Variants in TMEM168 observed in about 807,000 individuals in gnomAD.
TMEM168 encodes transmembrane protein 168.
Under a neutral mutation model 53.2 loss-of-function variants are expected in TMEM168, and 40 were observed. The ratio of observed to expected loss-of-function variants is 0.75; its 90% CI spans 0.58 to 0.98. The LOEUF is 0.98. Ranked by LOEUF, TMEM168 falls within the 50% of genes least tolerant of loss-of-function variation. The probability of loss-of-function intolerance (pLI) is 0.00; values close to 1 mark genes in which losing one functional copy is unlikely to be tolerated. For synonymous variants in TMEM168, 282 were observed against 293.0 expected, an observed-to-expected ratio of 0.96 and a Z score of 0.38; for missense variants, 771 against 828.8, an observed-to-expected ratio of 0.93 and a Z score of 0.86.
At chr7:112,767,782 T>C in intron 4 of TMEM168, 38 bp from the exon 5 acceptor site, 1 of 1,535,164 alleles carries the variant, frequency 6.5e-7, no homozygotes, top group Non-Finnish European at 8.7e-7. Flanking sequence ...CAATAATTTC[T>C]GCAGCCTCTC....
chr7:112,768,769 C>A (rs936248492), intron 4 of TMEM168, among the ~76,000 whole-genome samples: 13 of 151,902 alleles, frequency 8.6e-5, no homozygotes, highest in African/African-American at 3.1e-4. Flanking sequence ...TCCAATTCTA[C>A]GAATCTATCT....
rs543482478 is a variant in TMEM168 at position 112,775,836 on chromosome 7, T to C, written c.1129-518A>G. Among the ~76,000 whole-genome samples the C allele has an allele frequency of 2.0e-5, 3 of 152,246 alleles. No homozygotes were observed. In the East Asian group the frequency reaches 5.8e-4, roughly 29 times the overall value. On this transcript the variant is annotated intron_variant, in intron 2 of 4. Transcript: ENST00000312814. ...GCCATAAAAACTAATTCCGTTTATA[T>C]GGTATAGTTTACCTTATAAAGCACT...
chr7:112,781,678 C>T (rs932983317), intron 2 of TMEM168, among the ~76,000 whole-genome samples: 1 of 151,368 alleles, frequency 6.6e-6, no homozygotes, highest in Non-Finnish European at 1.5e-5. Context: ...ACAAATGGTG[C>T]TGGGAACAAT....
rs199547876 is a variant in TMEM168, at chr7:112,784,492, A to C, written c.334T>G (p.Ser112Ala). Residue 112 changes from serine (S) to alanine (A), a missense_variant, in exon 2 of 5, where the codon TCA (serine) becomes GCA (alanine). Ser to Ala is a moderately conservative substitution (Grantham distance 99, BLOSUM62 1). Transcript: ENST00000312814. Reference protein sequence around the residue: ...LLGLLCFLDNSSFKNDVKEES... With the variant: ...LLGLLCFLDNASFKNDVKEES... ...TCTTTTACATCATTTTTAAAGGATGAATTATCAAGAAAACATAGGAGGCCA... is the reference window on the plus strand; with the variant it reads ...TCTTTTACATCATTTTTAAAGGATGCATTATCAAGAAAACATAGGAGGCCA... 1.3e-4 allele frequency: 217 copies of C among 1,614,148 alleles called. 1 individual carries two copies. The highest frequency in any genetic ancestry group is 1.8e-4 in the East Asian group (8 of 44,882).
In TMEM168 at chr7:112,783,729, G is replaced by A; in HGVS notation, c.1097C>T (p.Ala366Val). 1 of 1,524,942 alleles carries A rather than the reference G, an allele frequency of 6.6e-7. No individual in the cohort carries two copies. The highest frequency in any genetic ancestry group is 8.8e-7 in the Non-Finnish European group (1 of 1,138,734). The allele number at this position is 1,524,942 out of a possible 1,614,324, so 94.5% of individuals were successfully genotyped here. A position where few individuals can be genotyped will look rare whatever the true frequency, so the allele number is the denominator to read the frequency against. The change falls in exon 2 of 5, where the codon GCA becomes GTA. Residue 366 changes from alanine to valine, a missense_variant. Ala to Val is a moderately conservative substitution (Grantham distance 64). Transcript: ENST00000312814. Reference sequence around the variant, plus strand: ...GGAAACTGCTCCCAAAATCGCTGTTGCAAGAAGACTAAAGAACACCAACTG... The same window carrying A: ...GGAAACTGCTCCCAAAATCGCTGTTACAAGAAGACTAAAGAACACCAACTG... Reference protein sequence around the residue: ...SEQLVFFSLLATAILGAVSWQ... With the variant: ...SEQLVFFSLLVTAILGAVSWQ...
rs774195861 is a variant in TMEM168, at chr7:112,783,742, A to G, written c.1084T>C (p.Phe362Leu). The G allele has an allele frequency of 1.9e-6, 3 of 1,556,424 alleles. No individual in the cohort carries two copies. The change falls in exon 2 of 5, where the codon TTT becomes CTT. Residue 362 changes from phenylalanine (F) to leucine (L), a missense_variant. By Grantham distance (22) the Phe-to-Leu change is conservative. Coordinates refer to ENST00000312814, the MANE Select transcript of TMEM168 (RefSeq NM_022484.6). ...FCLISEQLVF[F>L]SLLATAILGA... is the part of the protein sequence containing the mutation. Reference sequence around the variant, plus strand: ...AAAATCGCTGTTGCAAGAAGACTAAAGAACACCAACTGCTCTGAAATCAAG... The same window carrying G: ...AAAATCGCTGTTGCAAGAAGACTAAGGAACACCAACTGCTCTGAAATCAAG...
At chr7:112,787,694 G>A (rs577409421) in intron 1 of TMEM168, among the ~76,000 whole-genome samples, 19 of 143,304 alleles carry the variant, frequency 1.3e-4, no homozygotes, top group African/African-American at 4.4e-4. Context: ...GATTACAGGC[G>A]TGAGCCACTG....
intron 4 of TMEM168, among the ~76,000 whole-genome samples, chr7:112,769,247 C>A (rs190040236): frequency 5.9e-5 from 9 of 152,298 alleles, no homozygotes; most frequent in African/African-American, 2.2e-4. Context: ...ATTAATCGCT[C>A]TAACACTCAC....
chr7:112,780,648 C>A (rs1264368192), intron 2 of TMEM168, among the ~76,000 whole-genome samples: 1 of 152,142 alleles, frequency 6.6e-6, no homozygotes, highest in African/African-American at 2.4e-5. Flanking sequence ...TGCTTGAGCG[C>A]AGGAGGTCGA....
At chr7:112,774,816 G>C (rs1051173620) in intron 3 of TMEM168, among the ~76,000 whole-genome samples, 1 of 151,838 alleles carries the variant, frequency 6.6e-6, no homozygotes, top group African/African-American at 2.4e-5. Context: ...CCTGACCTCA[G>C]GTGATCCGCC....
intron 4 of TMEM168, among the ~76,000 whole-genome samples, chr7:112,772,366 A>G (rs1792950466): frequency 6.6e-6 from 1 of 152,204 alleles, no homozygotes; most frequent in South Asian, 2.1e-4. Flanking sequence ...CTCCCACCAT[A>G]CTACATGATC....
rs1268463046 is a variant in TMEM168, at chr7:112,766,579, A to G, written c.*618T>C. ...CTAGCCTTTTAACAATACCTACATAAAGAATATTTTGATCTAAAATGTAAC... is the reference window on the plus strand; with the variant it reads ...CTAGCCTTTTAACAATACCTACATAGAGAATATTTTGATCTAAAATGTAAC... On this transcript the variant is annotated 3_prime_UTR_variant, in exon 5 of 5. Transcript: ENST00000312814. 1 of 152,686 alleles carries G rather than the reference A, an allele frequency of 6.5e-6. No homozygotes were observed. The highest frequency in any genetic ancestry group is 1.5e-5 in the Non-Finnish European group (1 of 68,092). 9.5% of individuals were successfully genotyped at this position (152,686 alleles called of 1,614,324 possible). A position where few individuals can be genotyped will look rare whatever the true frequency, so the allele number is the denominator to read the frequency against.
chr7:112,780,874 T>C (rs562199030), intron 2 of TMEM168, among the ~76,000 whole-genome samples: 37 of 150,494 alleles, frequency 2.5e-4, no homozygotes, highest in Middle Eastern at 3.4e-3. Flanking sequence ...AGAGGGAATT[T>C]TGGCAGTGAT....
intron 1 of TMEM168, among the ~76,000 whole-genome samples, chr7:112,786,702 ACTGAACACTG>A (rs1016061306): frequency 8.5e-5 from 13 of 152,164 alleles, no homozygotes; most frequent in African/African-American, 3.1e-4. Context: ...GGCTCAGACT[ACTGAACACTG>A]CTGGACGGGG....
At chr7:112,781,371 G>T (rs779900719) in intron 2 of TMEM168, among the ~76,000 whole-genome samples, 1 of 152,062 alleles carries the variant, frequency 6.6e-6, no homozygotes, top group Non-Finnish European at 1.5e-5. Context: ...TGGCCTAAAA[G>T]ACTAAAATCA....
intron 1 of TMEM168, among the ~76,000 whole-genome samples, chr7:112,788,234 T>C (rs1290272874): frequency 6.6e-6 from 1 of 152,200 alleles, no homozygotes; most frequent in Non-Finnish European, 1.5e-5. Context: ...TTTCTCTCAC[T>C]ATATACTTTC....
intron 1 of TMEM168, among the ~76,000 whole-genome samples, chr7:112,787,080 T>A (rs1268241368): frequency 1.3e-5 from 2 of 152,216 alleles, no homozygotes; most frequent in Admixed American, 6.5e-5. Flanking sequence ...CTGCAAACTC[T>A]CACTTTTATT....
intron 2 of TMEM168, 71 bp from the exon 3 acceptor site, chr7:112,775,389 G>T: frequency 7.7e-7 from 1 of 1,291,374 alleles, no homozygotes; most frequent in South Asian, 1.8e-5. Context: ...CATGCACATT[G>T]ATTCACATTT....
intron 1 of TMEM168, 107 bp from the exon 2 acceptor site, chr7:112,785,060 T>A (rs1271746188): frequency 1.8e-5 from 6 of 340,892 alleles, no homozygotes; most frequent in African/African-American, 1.1e-4. Flanking sequence ...AAAACTGAAA[T>A]CCAGTTTACA....
Sources: gnomAD v4.1 joint callset for allele counts (sites outside exome capture counted in the v4.1 genomes callset) on GRCh38, gnomAD v4.1.1 for gene constraint, MANE v1.5 for transcripts, NCBI Gene and HGNC (gene_info 2026-07-23, HGNC 2026-07-21) for gene names.